KCNH7: variants seen among roughly 807,000 people sequenced by gnomAD.
KCNH7 encodes the protein potassium voltage-gated channel subfamily H member 7.
A neutral mutation model predicts 120.8 loss-of-function variants in KCNH7; 49 were observed. That is an observed-to-expected ratio of 0.41 (90% CI 0.32 to 0.51). The LOEUF (loss-of-function observed/expected upper bound fraction) is 0.51, where lower values mean the gene tolerates loss of function less well. Ranked by LOEUF, KCNH7 falls within the 20% of genes least tolerant of loss-of-function variation. KCNH7 has a pLI of 0.38. For missense variants in KCNH7, 1,097 were observed against 1,446.6 expected (o/e 0.76, Z 3.92); for synonymous variants, 547 against 516.1 (o/e 1.06, Z -0.81).
At chr2:162,443,741 C>T (rs957700025) in intron 7 of KCNH7, among the ~76,000 whole-genome samples, 1 of 152,178 alleles carries the variant, frequency 6.6e-6, no homozygotes, top group African/African-American at 2.4e-5. Context: ...AAATGTCCAT[C>T]GGATAGTATC....
intron 2 of KCNH7, among the ~76,000 whole-genome samples, chr2:162,616,383 T>C (rs1197656260): frequency 6.6e-6 from 1 of 152,184 alleles, no homozygotes; most frequent in Non-Finnish European, 1.5e-5. Flanking sequence ...ATCACACGAT[T>C]AATGTGCCAC....
At chr2:162,501,167 T>G (rs955123183) in intron 6 of KCNH7, among the ~76,000 whole-genome samples, 1 of 152,080 alleles carries the variant, frequency 6.6e-6, no homozygotes. Flanking sequence ...TTCCTACTGA[T>G]GCCTTTTTTC....
intron 2 of KCNH7, among the ~76,000 whole-genome samples, chr2:162,577,862 G>C (rs1267774567): frequency 2.0e-5 from 3 of 151,974 alleles, no homozygotes; most frequent in African/African-American, 7.2e-5. Context: ...CAAATTAAAT[G>C]AATGAAAACT....
chr2:162,538,535 C>A (rs1640298698), intron 2 of KCNH7, among the ~76,000 whole-genome samples: 1 of 152,054 alleles, frequency 6.6e-6, no homozygotes, highest in South Asian at 2.1e-4. Context: ...GGGCAAACAG[C>A]TGAAGGATCT....
intron 6 of KCNH7, among the ~76,000 whole-genome samples, chr2:162,493,467 T>C (rs1690394298): frequency 6.6e-6 from 1 of 152,180 alleles, no homozygotes; most frequent in East Asian, 1.9e-4. Context: ...AAAATGTAAA[T>C]ATGTGGTCTA....
chr2:162,459,007 A>AAATAATAAG (rs1689063909), intron 6 of KCNH7, among the ~76,000 whole-genome samples: 1 of 134,842 alleles, frequency 7.4e-6, no homozygotes, highest in African/African-American at 2.8e-5. Context: ...TTCTGTTTCA[A>AAATAATAAG]AATAATAATA....
intron 2 of KCNH7, among the ~76,000 whole-genome samples, chr2:162,682,417 CAGAG>C (rs35747306): frequency 0.13 from 19,742 of 147,034 alleles, 1,444 homozygotes; most frequent in East Asian, 0.34. Context: ...GAGACAGAGA[CAGAG>C]AGAGAGAGAG....
intron 2 of KCNH7, among the ~76,000 whole-genome samples, chr2:162,738,138 T>A (rs530340102): frequency 3.3e-5 from 5 of 149,544 alleles, no homozygotes; most frequent in Non-Finnish European, 7.4e-5. Flanking sequence ...CAAGATAGAA[T>A]CTTTCTGTGT....
chr2:162,780,763 TTATAAG>T (rs1203276170), intron 2 of KCNH7, among the ~76,000 whole-genome samples: 2 of 152,150 alleles, frequency 1.3e-5, no homozygotes, highest in East Asian at 1.9e-4. Flanking sequence ...TAGAATGTAC[TTATAAG>T]TATGAGATTT....
At chr2:162,818,724 AT>A (rs1378831039) in intron 2 of KCNH7, among the ~76,000 whole-genome samples, 5 of 152,194 alleles carry the variant, frequency 3.3e-5, no homozygotes, top group African/African-American at 1.2e-4. Flanking sequence ...AGCCATGTTT[AT>A]GATTATTTTA....
intron 2 of KCNH7, among the ~76,000 whole-genome samples, chr2:162,661,844 A>G (rs764636251): frequency 2.0e-5 from 3 of 152,180 alleles, no homozygotes; most frequent in Non-Finnish European, 4.4e-5. Flanking sequence ...TCTTTTTCAG[A>G]GTCTGCAGAG....
At chr2:162,663,301 T>C (rs111760567) in intron 2 of KCNH7, among the ~76,000 whole-genome samples, 2,425 of 152,352 alleles carry the variant, frequency 0.016, 75 homozygotes, top group African/African-American at 0.055. Context: ...TTTTACCTTC[T>C]TGTGTTTGAG....
chr2:162,691,943 T>C (rs1686123443), intron 2 of KCNH7, among the ~76,000 whole-genome samples: 2 of 152,170 alleles, frequency 1.3e-5, no homozygotes, highest in African/African-American at 4.8e-5. Context: ...TAATTGTCTC[T>C]TGATAGCTTA....
At chr2:162,493,640 G>A (rs1690400855) in intron 6 of KCNH7, among the ~76,000 whole-genome samples, 1 of 152,274 alleles carries the variant, frequency 6.6e-6, no homozygotes, top group East Asian at 1.9e-4. Context: ...GATCTTATCT[G>A]TGCCTAGTAC....
In KCNH7 at chr2:162,423,399, C is replaced by T. The variant is rs141104096; in HGVS notation, c.2091G>A (p.Arg697=). 1.9e-6 allele frequency: 3 copies of T among 1,613,946 alleles called. No homozygotes were observed. The highest frequency in any genetic ancestry group is 2.7e-5 in the African/African-American group (2 of 74,904). Residue 697 remains arginine, a synonymous_variant, in exon 9 of 16, where the codon AGG becomes AGA. Transcript: ENST00000332142. Reference sequence around the variant, plus strand: ...GCTGGAAATATTCTTCAAGACGTTGCCTCAGAGGGTTGGGGATTTGGTGAA... The same window carrying T: ...GCTGGAAATATTCTTCAAGACGTTGTCTCAGAGGGTTGGGGATTTGGTGAA... The part of the protein sequence containing the change: ...IRFHQIPNPL[R]QRLEEYFQHA...
intron 2 of KCNH7, among the ~76,000 whole-genome samples, chr2:162,672,295 T>G (rs1379852562): frequency 6.6e-6 from 1 of 152,058 alleles, no homozygotes; most frequent in Non-Finnish European, 1.5e-5. Context: ...AGAGATTGAG[T>G]TTATGTACAC....
intron 2 of KCNH7, among the ~76,000 whole-genome samples, chr2:162,555,393 C>A (rs531067432): frequency 1.3e-5 from 2 of 152,264 alleles, no homozygotes; most frequent in African/African-American, 2.4e-5. Context: ...ACTGATTAAA[C>A]AAGTTTCTGC....
chr2:162,457,606 A>T (rs1689011989), intron 6 of KCNH7, among the ~76,000 whole-genome samples: 1 of 152,176 alleles, frequency 6.6e-6, no homozygotes, highest in African/African-American at 2.4e-5. Flanking sequence ...CAGGATTAGT[A>T]ACTACTCTTC....
chr2:162,618,201 G>GATT (rs1683216236), intron 2 of KCNH7, among the ~76,000 whole-genome samples: 1 of 151,956 alleles, frequency 6.6e-6, no homozygotes, highest in Non-Finnish European at 1.5e-5. Context: ...TGACATCATA[G>GATT]ATTATTGCAG....
Sources: gnomAD v4.1 joint callset for allele counts (sites outside exome capture counted in the v4.1 genomes callset) on GRCh38, gnomAD v4.1.1 for gene constraint, MANE v1.5 for transcripts, NCBI Gene and HGNC (gene_info 2026-07-23, HGNC 2026-07-21) for gene names.